The following MRPS27 variants were observed in gnomAD, a reference collection of about 807,000 sequenced individuals.
MRPS27 encodes the protein small ribosomal subunit protein mS27.
Under a neutral mutation model 48.9 loss-of-function variants are expected in MRPS27, and 43 were observed. The observed-to-expected ratio is 0.88, with a 90% CI of 0.69 to 1.13. The LOEUF is 1.13. MRPS27 is among the 50% of genes most tolerant of loss of function. MRPS27 has a pLI of 0.00. For synonymous variants in MRPS27, 188 were observed against 171.9 expected, an observed-to-expected ratio of 1.09 and a Z score of -0.73; for missense variants, 467 against 476.3, an observed-to-expected ratio of 0.98 and a Z score of 0.18.
rs10942927 is a variant in MRPS27 at position 72,228,336 on chromosome 5, A to T, written c.624T>A (p.Leu208=). 524,157 of 1,611,982 alleles carry T rather than the reference A, an allele frequency of 0.33. 91,313 individuals are homozygous for T. Among genetic ancestry groups the T allele is most frequent in the Non-Finnish European group, 0.36 (427,313 of 1,178,372 alleles). Residue 208 remains leucine, a synonymous_variant, in exon 8 of 11, where the codon CTT becomes CTA. Coordinates refer to ENST00000261413, the MANE Select transcript of MRPS27 (RefSeq NM_015084.3). Reference sequence around the variant, plus strand: ...TCTTTTGTTTTAGGCCTGGAAGCAAAAGGGATGCACCAAAGTTCCTCTCCT... The same window carrying T: ...TCTTTTGTTTTAGGCCTGGAAGCAATAGGGATGCACCAAAGTTCCTCTCCT... ...WEEERNFGAS[L]LLPGLKQKNS...
chr5:72,236,923 CTTT>C (rs111411729), intron 5 of MRPS27, among the ~76,000 whole-genome samples: 10 of 139,740 alleles, frequency 7.2e-5, no homozygotes, highest in African/African-American at 1.0e-4. Flanking sequence ...TTCTTTTTTC[CTTT>C]TTTTTTTTTT....
intron 4 of MRPS27, among the ~76,000 whole-genome samples, chr5:72,292,836 C>T (rs1168412022): frequency 3.9e-5 from 6 of 152,136 alleles, no homozygotes; most frequent in African/African-American, 4.8e-5. Flanking sequence ...CTGTTAAAGA[C>T]GGTACTGCTT....
chr5:72,264,948 G>C (rs188511226), intron 4 of MRPS27, among the ~76,000 whole-genome samples: 1 of 152,108 alleles, frequency 6.6e-6, no homozygotes, highest in Admixed American at 6.5e-5. Context: ...AAGTATGAGC[G>C]GTATGTGGAG....
Position 72,220,802 on chromosome 5 carries a change from A to G in MRPS27, c.*107T>C. 2.0e-6 allele frequency: 3 copies of G among 1,489,750 alleles called. No homozygotes were observed. Among genetic ancestry groups the G allele is most frequent in the Non-Finnish European group, 2.7e-6 (3 of 1,104,794 alleles). 92.3% of individuals were successfully genotyped at this position (1,489,750 alleles called of 1,614,324 possible). A position where few individuals can be genotyped will look rare whatever the true frequency, so the allele number is the denominator to read the frequency against. ...TAGGGCACATAGCCTGCTTTAAGAAAAGAAGATGGGTAGAGGAAGCTGAGG... is the reference window on the plus strand; with the variant it reads ...TAGGGCACATAGCCTGCTTTAAGAAGAGAAGATGGGTAGAGGAAGCTGAGG... On this transcript the variant is annotated 3_prime_UTR_variant, in exon 11 of 11. Transcript: ENST00000261413.
intron 5 of MRPS27, 39 bp from the exon 6 acceptor site, chr5:72,234,236 A>C: frequency 7.2e-7 from 1 of 1,392,840 alleles, no homozygotes; most frequent in South Asian, 1.6e-5. Flanking sequence ...AAAAGAGAAA[A>C]TTATCTAATT....
At chr5:72,315,287 T>A (rs546811333) in intron 1 of MRPS27, among the ~76,000 whole-genome samples, 1 of 151,900 alleles carries the variant, frequency 6.6e-6, no homozygotes, top group African/African-American at 2.4e-5. Context: ...GGGTAAAGGA[T>A]TTAAACAGGT....
intron 4 of MRPS27, among the ~76,000 whole-genome samples, chr5:72,248,408 G>T (rs987799163): frequency 6.6e-6 from 1 of 152,076 alleles, no homozygotes; most frequent in Non-Finnish European, 1.5e-5. Context: ...GGCAAATCTT[G>T]CATAAAAAAG....
intron 4 of MRPS27, among the ~76,000 whole-genome samples, chr5:72,249,522 A>G (rs1748600463): frequency 6.6e-6 from 1 of 151,848 alleles, no homozygotes; most frequent in Non-Finnish European, 1.5e-5. Flanking sequence ...CGTCTCTACT[A>G]AAAAATACAA....
At chr5:72,264,322 A>C (rs1749055381) in intron 4 of MRPS27, among the ~76,000 whole-genome samples, 1 of 152,224 alleles carries the variant, frequency 6.6e-6, no homozygotes, top group African/African-American at 2.4e-5. Context: ...TAGTTATTGC[A>C]TAACATTGTG....
intron 4 of MRPS27, among the ~76,000 whole-genome samples, chr5:72,258,219 C>T (rs2111994840): frequency 6.6e-6 from 1 of 152,072 alleles, no homozygotes; most frequent in Admixed American, 6.5e-5. Context: ...CCCAGGAAAG[C>T]TGCTGGGAAA....
At chr5:72,315,628 G>C (rs1179372135) in intron 1 of MRPS27, among the ~76,000 whole-genome samples, 1 of 151,228 alleles carries the variant, frequency 6.6e-6, no homozygotes, top group East Asian at 1.9e-4. Context: ...CATAAGGACA[G>C]ATGCTTAACA....
At chr5:72,313,629 C>A (rs1750494304) in intron 2 of MRPS27, among the ~76,000 whole-genome samples, 1 of 152,176 alleles carries the variant, frequency 6.6e-6, no homozygotes, top group South Asian at 2.1e-4. Context: ...CCAACTATTT[C>A]TCTAAACAGC....
intron 5 of MRPS27, among the ~76,000 whole-genome samples, chr5:72,235,001 G>C (rs1561332519): frequency 6.6e-6 from 1 of 152,040 alleles, no homozygotes; most frequent in Non-Finnish European, 1.5e-5. Flanking sequence ...AGAAACACCT[G>C]AGGAATTTTT....
At chr5:72,320,104 C>CA (rs749925637) in intron 1 of MRPS27, 45 bp downstream of exon 1, 15 of 1,593,732 alleles carry the variant, frequency 9.4e-6, no homozygotes, top group Admixed American at 6.7e-5. Flanking sequence ...TCCCTTCACC[C>CA]AAAAAACAGA....
chr5:72,308,126 A>G (rs1014241216), intron 2 of MRPS27, among the ~76,000 whole-genome samples: 1 of 151,972 alleles, frequency 6.6e-6, no homozygotes, highest in African/African-American at 2.4e-5. Flanking sequence ...AGACAGCTGC[A>G]TTGGCGTCCA....
chr5:72,314,675 C>T (rs1750523249), intron 1 of MRPS27: 1 of 152,894 alleles, frequency 6.5e-6, no homozygotes. Flanking sequence ...CAGACACATA[C>T]CACTGCGCTA....
At chr5:72,309,162 G>A (rs891172370) in intron 2 of MRPS27, among the ~76,000 whole-genome samples, 14 of 152,066 alleles carry the variant, frequency 9.2e-5, no homozygotes, top group Non-Finnish European at 1.6e-4. Context: ...AGCTGTCTCG[G>A]TGGCAGGAAA....
At chr5:72,236,946 G>T (rs1161937053) in intron 5 of MRPS27, among the ~76,000 whole-genome samples, 2 of 146,112 alleles carry the variant, frequency 1.4e-5, no homozygotes, top group African/African-American at 5.0e-5. Context: ...TTGAGACCAG[G>T]TCTCATTCTG....
chr5:72,295,512 A>G lies in MRPS27; in HGVS notation c.281+19T>C. The stretch of plus-strand genomic sequence containing the variant: ...TGTGAAATCACAGAGTACATAGCCA[A>G]ATCAAATGGAAAACTTACTTGTAAA... On this transcript the variant is annotated intron_variant, in intron 4 of 10. Coordinates refer to ENST00000261413, the MANE Select transcript of MRPS27 (RefSeq NM_015084.3). 1 of 1,589,472 alleles carries G rather than the reference A, an allele frequency of 6.3e-7. No homozygotes were observed. Among genetic ancestry groups the G allele is most frequent in the Middle Eastern group, 1.7e-4 (1 of 5,912 alleles).
Sources: allele counts gnomAD v4.1 joint callset (sites outside exome capture counted in the v4.1 genomes callset), GRCh38; gene constraint gnomAD v4.1.1; transcripts MANE v1.5; gene names NCBI Gene and HGNC (gene_info 2026-07-23, HGNC 2026-07-21).